Variants in ZBED6 observed in about 807,000 individuals in gnomAD.
ZBED6 encodes the protein zinc finger BED-type containing 6.
ZBED6 carries 40 observed loss-of-function variants against 58.4 expected under a neutral mutation model. The observed-to-expected ratio is 0.68, with a 90% CI of 0.53 to 0.89. ZBED6 has a LOEUF of 0.89. Ranked by LOEUF, ZBED6 falls within the 40% of genes least tolerant of loss-of-function variation. The probability of loss-of-function intolerance (pLI) is 0.00; values close to 1 mark genes in which losing one functional copy is unlikely to be tolerated. For synonymous variants in ZBED6, 439 were observed against 350.6 expected (o/e 1.25, Z -2.82); for missense variants, 1,057 against 1,003.9 (o/e 1.05, Z -0.71).
At chr1:203,798,216 C>T (rs1249917810) in exon 1 of ZBED6, 2 of 1,535,974 alleles carry the variant, frequency 1.3e-6, no homozygotes, top group African/African-American at 2.7e-5. Flanking sequence ...GGGCAAGAAG[C>T]ATGATAAATC....
At position 203,848,312 on chromosome 1, in the gene ZBED6, GT is replaced by G; in HGVS notation, c.*4246-18del. The G allele has an allele frequency of 6.3e-7, 1 of 1,586,504 alleles. No homozygotes were observed. Among genetic ancestry groups the G allele is most frequent in the Non-Finnish European group, 8.6e-7 (1 of 1,168,056 alleles). On this transcript the variant is annotated intron_variant, in intron 12 of 16. Coordinates refer to ENST00000550078, the Ensembl canonical transcript of ZBED6. ...CAGCTTAAATAAAATAACTAATGAT[GT>G]CTTTAATGTGAATACAGGGATGAAA...
chr1:203,837,587 G>A (rs181201448), intron 9 of ZBED6, among the ~76,000 whole-genome samples: 1 of 151,712 alleles, frequency 6.6e-6, no homozygotes, highest in East Asian at 1.9e-4. Flanking sequence ...TGATCCTTCT[G>A]CTTCAGCCTC....
exon 1 of ZBED6, chr1:203,797,180 G>C (rs549402292): frequency 1.2e-5 from 2 of 169,542 alleles, no homozygotes; most frequent in African/African-American, 4.8e-5. Context: ...TCTGGGATTT[G>C]GAAGACCTGG....
chr1:203,840,544 A>G (rs1022372260), intron 11 of ZBED6, among the ~76,000 whole-genome samples, 170 bp downstream of exon 11: 2 of 152,060 alleles, frequency 1.3e-5, no homozygotes, highest in African/African-American at 2.4e-5. Context: ...ACTGGGATCA[A>G]TTCCTTTTTT....
At chr1:203,846,874 G>A (rs1332702403) in intron 11 of ZBED6, among the ~76,000 whole-genome samples, 1 of 151,894 alleles carries the variant, frequency 6.6e-6, no homozygotes, top group Non-Finnish European at 1.5e-5. Context: ...CTTGGTGGTG[G>A]GTACCTGTAG....
At chr1:203,815,400 T>TTA (rs1676038480) in intron 1 of ZBED6, among the ~76,000 whole-genome samples, 1 of 124,814 alleles carries the variant, frequency 8.0e-6, no homozygotes, top group Non-Finnish European at 1.7e-5. Flanking sequence ...TTTTTTTTTT[T>TTA]AAGAGATGGG....
exon 12 of ZBED6, chr1:203,847,307 A>T (rs144745497): frequency 1.2e-6 from 2 of 1,613,880 alleles, no homozygotes; most frequent in African/African-American, 1.3e-5. Context: ...TCAAAAACTG[A>T]TGATTCTACT....
chr1:203,853,625 T>C (rs1489422246), exon 17 of ZBED6: 1 of 152,798 alleles, frequency 6.5e-6, no homozygotes, highest in South Asian at 2.1e-4. Flanking sequence ...GTTTTGTTTC[T>C]CATAGGGAAA....
At chr1:203,840,083 C>T (rs1479435428) in intron 10 of ZBED6, among the ~76,000 whole-genome samples, 1 of 151,692 alleles carries the variant, frequency 6.6e-6, no homozygotes, top group East Asian at 1.9e-4. Flanking sequence ...GGATTACAAG[C>T]GTGAGCCACT....
In ZBED6 at chr1:203,843,626, A is replaced by T. The variant is rs187604044; in HGVS notation, c.*3741+3252A>T. On this transcript the variant is annotated intron_variant, in intron 11 of 16. Coordinates refer to ENST00000550078, the Ensembl canonical transcript of ZBED6. Reference sequence around the variant, plus strand: ...AAGCAGCCATATGCATATGTATGCAATATGTAAATGAATGACTGCTGGTGT... The same window carrying T: ...AAGCAGCCATATGCATATGTATGCATTATGTAAATGAATGACTGCTGGTGT... 1.7e-3 allele frequency among the ~76,000 whole-genome samples: 263 copies of T among 152,322 alleles called. 2 individuals are homozygous for T. The highest frequency in any genetic ancestry group is 5.9e-3 in the African/African-American group (246 of 41,582).
At chr1:203,817,320 A>G (rs1427908343) in intron 2 of ZBED6, among the ~76,000 whole-genome samples, 196 bp downstream of exon 2, 3 of 152,026 alleles carry the variant, frequency 2.0e-5, no homozygotes, top group Non-Finnish European at 4.4e-5. Context: ...TATATAACTA[A>G]TTTTCCCATC....
exon 1 of ZBED6, chr1:203,799,337 G>A: frequency 1.4e-6 from 1 of 705,972 alleles, no homozygotes; most frequent in Non-Finnish European, 2.6e-6. Flanking sequence ...TTGAGAATAT[G>A]TTAGTGGCTG....
chr1:203,833,933 A>G (rs1286058880), intron 9 of ZBED6, 80 bp downstream of exon 9: 2 of 1,515,434 alleles, frequency 1.3e-6, no homozygotes, highest in Non-Finnish European at 1.8e-6. Context: ...CTCTTTTTAT[A>G]CAGATCTTTG....
At chr1:203,799,041 A>T in exon 1 of ZBED6, 1 of 1,536,150 alleles carries the variant, frequency 6.5e-7, no homozygotes, top group Non-Finnish European at 8.7e-7. Flanking sequence ...TTCTTTGGAA[A>T]CTGCGTCTTT....
Position 203,798,334 on chromosome 1 carries a change from A to AT in ZBED6, c.820dup (p.Tyr274LeufsTer3), listed in dbSNP as rs1264083127. The AT allele has an allele frequency of 2.0e-6, 3 of 1,535,854 alleles. No homozygotes were observed. Among genetic ancestry groups the AT allele is most frequent in the South Asian group, 1.2e-5 (1 of 84,060 alleles). Reference sequence around the variant, plus strand: ...AGAGCCAAGACATCTGCCGTTTGGAATTTTTTTTACACTGATCCTCAGCAC... The same window carrying AT: ...AGAGCCAAGACATCTGCCGTTTGGAATTTTTTTTTACACTGATCCTCAGCAC... On this transcript the variant is annotated frameshift_variant, in exon 1 of 17. Coordinates refer to ENST00000550078, the Ensembl canonical transcript of ZBED6. LOFTEE classifies it high-confidence loss of function.
intron 11 of ZBED6, among the ~76,000 whole-genome samples, chr1:203,843,830 A>G (rs1687143237): frequency 6.7e-6 from 1 of 148,234 alleles, no homozygotes; most frequent in South Asian, 2.2e-4. Context: ...TTGTTCTCTT[A>G]TTTTTTTTTC....
At chr1:203,835,756 C>T in intron 9 of ZBED6, 1 of 242,930 alleles carries the variant, frequency 4.1e-6, no homozygotes, top group Non-Finnish European at 9.1e-6. Flanking sequence ...TTGTCCTTTG[C>T]TTTGTATACA....
intron 8 of ZBED6, among the ~76,000 whole-genome samples, chr1:203,832,772 T>G (rs999043015): frequency 6.6e-6 from 1 of 152,250 alleles, no homozygotes; most frequent in South Asian, 2.1e-4. Context: ...GAAAGAGAGC[T>G]CACTTCTTCC....
At chr1:203,833,827 G>A in exon 9 of ZBED6, 1 of 1,610,474 alleles carries the variant, frequency 6.2e-7, no homozygotes, top group Middle Eastern at 1.7e-4. Context: ...CTTACTGAGA[G>A]ACTGGGGAAA....
Sources: gnomAD v4.1 joint callset for allele counts (sites outside exome capture counted in the v4.1 genomes callset) on GRCh38, gnomAD v4.1.1 for gene constraint, MANE v1.5 for transcripts, NCBI Gene and HGNC (gene_info 2026-07-23, HGNC 2026-07-21) for gene names.